LTBP1: variants seen among roughly 807,000 people sequenced by gnomAD.
LTBP1 encodes latent transforming growth factor beta binding protein 1.
LTBP1 carries 129 observed loss-of-function variants against 207.6 expected under a neutral mutation model. That is an observed-to-expected ratio of 0.62 (90% CI 0.54 to 0.72). The LOEUF is 0.72. Among genes scored for constraint, LTBP1 ranks in the 30% least tolerant of loss-of-function variants. The probability of loss-of-function intolerance (pLI) is 0.00; values close to 1 mark genes in which losing one functional copy is unlikely to be tolerated. For synonymous variants in LTBP1, 963 were observed against 833.7 expected, an observed-to-expected ratio of 1.16 and a Z score of -2.67; for missense variants, 2,281 against 2,217.2, an observed-to-expected ratio of 1.03 and a Z score of -0.58.
chr2:33,299,160 T>C (rs1465699512), intron 20 of LTBP1, among the ~76,000 whole-genome samples: 1 of 150,992 alleles, frequency 6.6e-6, no homozygotes, highest in African/African-American at 2.4e-5. Context: ...GAGAATCGCT[T>C]GAACCCGGGA....
At chr2:33,064,191 A>C (rs1157064006) in intron 3 of LTBP1, among the ~76,000 whole-genome samples, 2 of 152,206 alleles carry the variant, frequency 1.3e-5, no homozygotes, top group Non-Finnish European at 2.9e-5. Flanking sequence ...CATAAATGTA[A>C]TATAACTTTA....
At chr2:33,290,761 A>G (rs1302791081) in intron 19 of LTBP1, among the ~76,000 whole-genome samples, 1 of 152,196 alleles carries the variant, frequency 6.6e-6, no homozygotes, top group Non-Finnish European at 1.5e-5. Context: ...TATTGGTGTG[A>G]AAAATAACAT....
At chr2:33,355,806 A>G (rs750908815) in intron 26 of LTBP1, among the ~76,000 whole-genome samples, 1 of 152,148 alleles carries the variant, frequency 6.6e-6, no homozygotes, top group Admixed American at 6.5e-5. Context: ...TTGTCTACCC[A>G]TCCCTCTGCA....
At chr2:33,150,666 A>ACTTTGC (rs1019020938) in intron 5 of LTBP1, among the ~76,000 whole-genome samples, 2 of 96,506 alleles carry the variant, frequency 2.1e-5, no homozygotes, top group African/African-American at 8.2e-5. Context: ...TGACTAGCTT[A>ACTTTGC]TTTCACTTAC....
intron 31 of LTBP1, among the ~76,000 whole-genome samples, chr2:33,370,655 G>C (rs114390250): frequency 6.6e-6 from 1 of 152,154 alleles, no homozygotes; most frequent in Non-Finnish European, 1.5e-5. Context: ...TTCTGCCATT[G>C]AACCTTTTAA....
In LTBP1 at chr2:33,262,742, A is replaced by C; in HGVS notation, c.2439A>C (p.Gln813His). The C allele has an allele frequency of 2.5e-6, 4 of 1,602,850 alleles. No homozygotes were observed. Among genetic ancestry groups the C allele is most frequent in the Middle Eastern group, 1.7e-4 (1 of 6,010 alleles). Residue 813 changes from glutamine to histidine, a missense_variant, in exon 14 of 34, where the codon CAA (glutamine) becomes CAC (histidine). By Grantham distance (24) the Gln-to-His change is conservative. This residue lies in a region of LTBP1 where 1,671 missense variants were observed against 1,634.8 expected (regional missense o/e 1.02). Coordinates refer to ENST00000404816, the MANE Select transcript of LTBP1 (RefSeq NM_206943.4). ...TCCAGGAAATACCTTCATTGGATCA[A>C]GAGAAAACCAAACTTGAGCCTGGTC... Reference protein sequence around the residue: ...PPEKEIPSLDQEKTKLEPGQP... With the variant: ...PPEKEIPSLDHEKTKLEPGQP...
Position 33,009,569 on chromosome 2 carries a change from A to G in LTBP1, c.566-11340A>G, listed in dbSNP as rs547017150. ...CATCTGTTAAGCCAAAGAACGCTTG[A>G]GGCTACCAGAATCTAGGAGAGAAGG... On this transcript the variant is annotated intron_variant, in intron 2 of 33. Transcript: ENST00000404816. Among the ~76,000 whole-genome samples, 18 of 152,332 alleles carry G rather than the reference A, an allele frequency of 1.2e-4. No homozygotes were observed. The South Asian group carries it at 3.5e-3, about 30-fold the overall frequency.
chr2:33,141,851 C>T (rs536425360), intron 5 of LTBP1, among the ~76,000 whole-genome samples: 27 of 152,080 alleles, frequency 1.8e-4, no homozygotes, highest in Non-Finnish European at 2.8e-4. Context: ...TTGGGTTCAT[C>T]GACCTGCTTT....
intron 28 of LTBP1, among the ~76,000 whole-genome samples, chr2:33,362,732 T>G (rs188825231): frequency 3.3e-5 from 5 of 152,320 alleles, no homozygotes; most frequent in African/African-American, 1.2e-4. Flanking sequence ...ATGCTAATAA[T>G]AGCAGTAAAA....
At chr2:33,064,527 C>G (rs2077414955) in intron 3 of LTBP1, among the ~76,000 whole-genome samples, 1 of 152,220 alleles carries the variant, frequency 6.6e-6, no homozygotes, top group Admixed American at 6.5e-5. Flanking sequence ...TAGCCCAGGT[C>G]GATGTTACTC....
At chr2:33,373,782 A>G (rs1420564040) in intron 31 of LTBP1, among the ~76,000 whole-genome samples, 4 of 152,186 alleles carry the variant, frequency 2.6e-5, no homozygotes, top group Admixed American at 1.3e-4. Flanking sequence ...TAGGCAAACA[A>G]TTCTGGAACA....
intron 3 of LTBP1, among the ~76,000 whole-genome samples, chr2:33,041,380 G>T (rs2076176630): frequency 6.6e-6 from 1 of 152,134 alleles, no homozygotes; most frequent in Non-Finnish European, 1.5e-5. Flanking sequence ...CGCCGCCTGG[G>T]TTCAAGCGAT....
intron 2 of LTBP1, among the ~76,000 whole-genome samples, chr2:33,013,430 AC>A (rs1192534651): frequency 6.6e-6 from 1 of 151,352 alleles, no homozygotes; most frequent in Non-Finnish European, 1.5e-5. Context: ...GTTAAAGGCA[AC>A]TTTTATTAAT....
chr2:33,395,601 G>C (rs779833817), intron 32 of LTBP1, among the ~76,000 whole-genome samples: 3 of 151,844 alleles, frequency 2.0e-5, no homozygotes, highest in African/African-American at 7.3e-5. Flanking sequence ...GAATGTAAGA[G>C]AAACTCTGAC....
At chr2:33,326,483 A>T (rs1040748726) in intron 24 of LTBP1, among the ~76,000 whole-genome samples, 1 of 149,218 alleles carries the variant, frequency 6.7e-6, no homozygotes, top group Non-Finnish European at 1.5e-5. Flanking sequence ...AAATGCTGGC[A>T]TACTTTTATT....
At chr2:33,208,948 A>G (rs1005985998) in intron 7 of LTBP1, among the ~76,000 whole-genome samples, 10 of 148,030 alleles carry the variant, frequency 6.8e-5, no homozygotes, top group African/African-American at 2.5e-4. Context: ...GCTGACTGCA[A>G]GCTCCGCCTC....
At chr2:33,133,606 C>G (rs1232458545) in intron 4 of LTBP1, among the ~76,000 whole-genome samples, 5 of 152,116 alleles carry the variant, frequency 3.3e-5, no homozygotes, top group Non-Finnish European at 2.9e-5. Context: ...CTGGGTGAAG[C>G]AGAACTGCAC....
chr2:33,366,464 A>G (rs954652590), intron 31 of LTBP1, among the ~76,000 whole-genome samples: 2 of 152,248 alleles, frequency 1.3e-5, no homozygotes, highest in Admixed American at 6.5e-5. Flanking sequence ...ACTTAAAACC[A>G]ACGTAGCATG....
At chr2:33,267,199 G>A (rs2093205506) in intron 15 of LTBP1, among the ~76,000 whole-genome samples, 2 of 152,248 alleles carry the variant, frequency 1.3e-5, no homozygotes, top group African/African-American at 4.8e-5. Flanking sequence ...ATGCCTGGCT[G>A]TGTGTAGTGG....
Sources: gnomAD v4.1 joint callset for allele counts (sites outside exome capture counted in the v4.1 genomes callset) on GRCh38, gnomAD v4.1.1 for gene constraint, gnomAD v4.1.1 regional missense constraint, MANE v1.5 for transcripts, NCBI Gene and HGNC (gene_info 2026-07-23, HGNC 2026-07-21) for gene names.